METTL25: variants seen among roughly 807,000 people sequenced by gnomAD.
METTL25 encodes the protein methyltransferase like 25.
METTL25 carries 64 observed loss-of-function variants against 71.6 expected under a neutral mutation model. That is an observed-to-expected ratio of 0.89 (90% CI 0.73 to 1.10). The LOEUF (loss-of-function observed/expected upper bound fraction) is 1.10, where lower values mean the gene tolerates loss of function less well. Ranked by LOEUF, METTL25 falls within the 50% of genes least tolerant of loss-of-function variation. The probability of loss-of-function intolerance (pLI) is 0.00; values close to 1 mark genes in which losing one functional copy is unlikely to be tolerated. For missense variants in METTL25, 807 were observed against 707.0 expected (o/e 1.14, Z -1.60); for synonymous variants, 287 against 250.3 (o/e 1.15, Z -1.38).
At position 82,358,775 on chromosome 12, in the gene METTL25, G is replaced by A. The variant is rs1565789011; in HGVS notation, c.210G>A (p.Glu70=). 15 of 1,613,926 alleles carry A rather than the reference G, an allele frequency of 9.3e-6. No individual in the cohort carries two copies. Among genetic ancestry groups the A allele is most frequent in the Non-Finnish European group, 1.2e-5 (14 of 1,179,962 alleles). The change falls in exon 1 of 12, where the codon GAG becomes GAA. Residue 70 remains glutamate, a synonymous_variant. Transcript: ENST00000248306. ...TGAGGAAGTCAGCGTCGGAGACGGA[G>A]GCCCTGCCCTCAGAGACGCGCCCCC... ...AALRKSASET[E]ALPSETRPLV...
intron 11 of METTL25, 59 bp from the exon 12 acceptor site, chr12:82,478,873 G>T: frequency 7.8e-7 from 1 of 1,282,162 alleles, no homozygotes; most frequent in Non-Finnish European, 1.1e-6. Flanking sequence ...AATCCAACTC[G>T]CGTCTAATTT....
At chr12:82,367,830 A>C (rs779210975) in intron 1 of METTL25, among the ~76,000 whole-genome samples, 8 of 152,152 alleles carry the variant, frequency 5.3e-5, no homozygotes, top group Non-Finnish European at 1.0e-4. Context: ...AATATAAACA[A>C]ATAGGAGATA....
At chr12:82,402,444 C>G (rs915266950) in intron 4 of METTL25, among the ~76,000 whole-genome samples, 13 of 151,992 alleles carry the variant, frequency 8.6e-5, no homozygotes, top group African/African-American at 3.1e-4. Flanking sequence ...CCAATTTTTG[C>G]TTTGTCTAGT....
At position 82,456,731 on chromosome 12, in the gene METTL25, C is replaced by T. The variant is rs1415667351; in HGVS notation, c.1483C>T (p.Arg495Trp). The change falls in exon 9 of 12, where the codon CGG becomes TGG. Residue 495 changes from arginine to tryptophan, a missense_variant. Physicochemically the swap from Arg to Trp is moderately radical, Grantham distance 101. Coordinates refer to ENST00000248306, the MANE Select transcript of METTL25 (RefSeq NM_032230.3). ...KDCYGITKCDRHVGKIYSKCS... is the reference protein window; with the variant it reads ...KDCYGITKCDWHVGKIYSKCS... Reference sequence around the variant, plus strand: ...TTATTCAATTTTGTTTTACAGTGATCGGCATGTTGGTAAAATTTATTCCAA... The same window carrying T: ...TTATTCAATTTTGTTTTACAGTGATTGGCATGTTGGTAAAATTTATTCCAA... 13 of 1,581,400 alleles carry T rather than the reference C, an allele frequency of 8.2e-6. No homozygotes were observed. Among genetic ancestry groups the T allele is most frequent in the African/African-American group, 4.1e-5 (3 of 73,606 alleles).
At chr12:82,409,411 C>A (rs897347676) in intron 5 of METTL25, among the ~76,000 whole-genome samples, 1 of 151,998 alleles carries the variant, frequency 6.6e-6, no homozygotes, top group African/African-American at 2.4e-5. Context: ...TACATTATTT[C>A]TTCTTCTAGA....
intron 2 of METTL25, 146 bp from the exon 3 acceptor site, chr12:82,389,670 G>C: frequency 2.4e-6 from 1 of 425,424 alleles, no homozygotes; most frequent in African/African-American, 2.1e-5. Flanking sequence ...ATTTATAGTG[G>C]CTAAGCTAGT....
chr12:82,365,837 C>T (rs879340952), intron 1 of METTL25, among the ~76,000 whole-genome samples: 8 of 152,214 alleles, frequency 5.3e-5, no homozygotes, highest in Non-Finnish European at 7.3e-5. Context: ...AATCCCAGCA[C>T]TTTGGGAGGC....
chr12:82,431,541 A>G (rs764963760), intron 6 of METTL25, among the ~76,000 whole-genome samples: 20 of 151,658 alleles, frequency 1.3e-4, no homozygotes, highest in Non-Finnish European at 2.5e-4. Flanking sequence ...CTAAAGTACA[A>G]CGTAAGGACT....
intron 1 of METTL25, among the ~76,000 whole-genome samples, chr12:82,370,227 T>G (rs535189481): frequency 6.6e-6 from 1 of 152,258 alleles, no homozygotes; most frequent in East Asian, 1.9e-4. Context: ...GTAGAAGTTG[T>G]TTGTTGAGCT....
chr12:82,478,732 A>C (rs577443860), intron 11 of METTL25, among the ~76,000 whole-genome samples, 200 bp from the exon 12 acceptor site: 3 of 152,096 alleles, frequency 2.0e-5, no homozygotes, highest in African/African-American at 7.2e-5. Context: ...TTCACTCTCT[A>C]TGTACATCCT....
chr12:82,440,619 G>A (rs1258422898), intron 8 of METTL25, among the ~76,000 whole-genome samples: 1 of 151,874 alleles, frequency 6.6e-6, no homozygotes, highest in Non-Finnish European at 1.5e-5. Context: ...AGGTCCTGGG[G>A]ATTCTGGATG....
intron 5 of METTL25, among the ~76,000 whole-genome samples, chr12:82,418,020 G>A (rs1455366370): frequency 6.6e-6 from 1 of 152,100 alleles, no homozygotes; most frequent in East Asian, 1.9e-4. Flanking sequence ...GTGACAAAAA[G>A]CAGGGAAATT....
intron 8 of METTL25, among the ~76,000 whole-genome samples, chr12:82,452,417 C>G (rs1022692575): frequency 8.5e-5 from 13 of 152,148 alleles, no homozygotes; most frequent in African/African-American, 2.9e-4. Context: ...GCAGGAGAAT[C>G]ACTTGAGCCA....
Position 82,478,972 on chromosome 12 carries a change from C to A in METTL25, c.1760C>A (p.Pro587His). ...AWSALVKLFD[P>H]VKSPRCYAVI... ...TCTGCTCTTGTGAAGTTGTTTGATCCCGTGAAATCTCCCAGATGTTATGCT... is the reference window on the plus strand; with the variant it reads ...TCTGCTCTTGTGAAGTTGTTTGATCACGTGAAATCTCCCAGATGTTATGCT... Residue 587 changes from proline (P) to histidine (H), a missense_variant, in exon 12 of 12, where the codon CCC becomes CAC. Physicochemically the swap from Pro to His is moderately conservative, Grantham distance 77. Coordinates refer to ENST00000248306, the MANE Select transcript of METTL25 (RefSeq NM_032230.3). 1 of 1,612,562 alleles carries A rather than the reference C, an allele frequency of 6.2e-7. No individual in the cohort carries two copies. The highest frequency in any genetic ancestry group is 8.5e-7 in the Non-Finnish European group (1 of 1,179,006).
chr12:82,445,484 A>G (rs1405992630), intron 8 of METTL25, among the ~76,000 whole-genome samples: 2 of 152,152 alleles, frequency 1.3e-5, no homozygotes, highest in Non-Finnish European at 1.5e-5. Flanking sequence ...TGTTGCGAGT[A>G]TTCGTTTAAA....
intron 7 of METTL25, among the ~76,000 whole-genome samples, chr12:82,437,721 C>T (rs944670277): frequency 2.0e-5 from 3 of 151,714 alleles, no homozygotes; most frequent in African/African-American, 4.8e-5. Context: ...TGGATATACA[C>T]GTTTTACTGA....
intron 9 of METTL25, among the ~76,000 whole-genome samples, chr12:82,475,497 G>A (rs1429580278): frequency 6.6e-6 from 1 of 151,354 alleles, no homozygotes; most frequent in African/African-American, 2.4e-5. Context: ...AAGAAATTTA[G>A]TGCTATTGTG....
chr12:82,367,791 A>G lies in METTL25; in HGVS notation c.259+8967A>G, dbSNP rs1056074474. ...TTCTTCACCTTTGGCCTTATCTTGTATCTGCTCTTCAGCTGGAACTTGGCT... is the reference window on the plus strand; with the variant it reads ...TTCTTCACCTTTGGCCTTATCTTGTGTCTGCTCTTCAGCTGGAACTTGGCT... On this transcript the variant is annotated intron_variant, in intron 1 of 11. Transcript: ENST00000248306. Among the ~76,000 whole-genome samples the G allele has an allele frequency of 4.6e-5, 7 of 152,290 alleles. No individual in the cohort carries two copies. The East Asian group carries it at 7.7e-4, about 17-fold the overall frequency.
At chr12:82,375,208 G>A (rs748828187) in intron 1 of METTL25, among the ~76,000 whole-genome samples, 5 of 152,166 alleles carry the variant, frequency 3.3e-5, no homozygotes, top group Admixed American at 6.5e-5. Flanking sequence ...TTAATTGCCA[G>A]TGTGATGGTA....
Sources: gnomAD v4.1 joint callset for allele counts (sites outside exome capture counted in the v4.1 genomes callset) on GRCh38, gnomAD v4.1.1 for gene constraint, MANE v1.5 for transcripts, NCBI Gene and HGNC (gene_info 2026-07-23, HGNC 2026-07-21) for gene names.